The following DNM3 variants were observed in gnomAD, a reference collection of about 807,000 sequenced individuals.
DNM3 encodes the protein dynamin 3.
In DNM3, 47 loss-of-function variants were observed where a neutral mutation model predicts 101.6. That is an observed-to-expected ratio of 0.46 (90% confidence interval 0.37 to 0.59). The LOEUF (loss-of-function observed/expected upper bound fraction) is 0.59. DNM3 is among the 20% of genes least tolerant of loss of function. The probability of loss-of-function intolerance (pLI) is 0.00; values close to 1 mark genes in which losing one functional copy is unlikely to be tolerated. For synonymous variants in DNM3, 385 were observed against 387.9 expected (o/e 0.99, Z 0.09); for missense variants, 849 against 1,085.7 (o/e 0.78, Z 3.06).
rs138533696 is a variant in DNM3, at chr1:172,307,252, A to C, written c.1770-1476A>C. ...GAACAGATACTTCTCAAAAGAAAAC[A>C]TTTATGCAGACACATGAAAAAATGC... On this transcript the variant is annotated intron_variant, in intron 15 of 20. Coordinates refer to ENST00000627582, the MANE Select transcript of DNM3 (RefSeq NM_015569.5). 2.0e-5 allele frequency among the ~76,000 whole-genome samples: 3 copies of C among 152,294 alleles called. No homozygotes were observed. In the East Asian group the frequency reaches 5.8e-4, roughly 29 times the overall value.
chr1:171,922,075 A>G (rs952095553), intron 2 of DNM3, among the ~76,000 whole-genome samples: 13 of 152,028 alleles, frequency 8.6e-5, no homozygotes, highest in Non-Finnish European at 1.5e-4. Flanking sequence ...TAATCCATCT[A>G]TATAATTTTA....
intron 13 of DNM3, among the ~76,000 whole-genome samples, chr1:172,115,830 T>A (rs1022229841): frequency 6.6e-6 from 1 of 152,218 alleles, no homozygotes; most frequent in Admixed American, 6.5e-5. Flanking sequence ...GCATGCATTA[T>A]CTCACTTAGA....
chr1:171,998,797 A>G (rs187544648), intron 4 of DNM3, among the ~76,000 whole-genome samples: 1 of 152,232 alleles, frequency 6.6e-6, no homozygotes, highest in East Asian at 1.9e-4. Context: ...GAACTGATGA[A>G]GTGAGGGAAT....
chr1:172,387,378 C>G lies in DNM3; in HGVS notation c.2285+19C>G. 6.3e-7 allele frequency: 1 copy of G among 1,599,124 alleles called. No homozygotes were observed. Among genetic ancestry groups the G allele is most frequent in the Non-Finnish European group, 8.5e-7 (1 of 1,171,422 alleles). ...CTCGCAGGTAAGAAGATGGCCCCGG[C>G]CGGGTGCGGTGGCTCGCTCCTGTAA... On this transcript the variant is annotated intron_variant, in intron 19 of 20. Transcript: ENST00000627582.
At chr1:172,164,795 A>G (rs1426771251) in intron 14 of DNM3, among the ~76,000 whole-genome samples, 2 of 152,008 alleles carry the variant, frequency 1.3e-5, no homozygotes, top group Non-Finnish European at 2.9e-5. Flanking sequence ...TGGAGGACAG[A>G]GGCAGTGTAT....
At chr1:172,194,532 A>G (rs568030066) in intron 14 of DNM3, among the ~76,000 whole-genome samples, 12 of 152,048 alleles carry the variant, frequency 7.9e-5, no homozygotes, top group Non-Finnish European at 1.3e-4. Context: ...TGCTTTATGA[A>G]TCTGGGTGCT....
intron 14 of DNM3, chr1:172,139,150 G>A: frequency 3.3e-6 from 1 of 307,652 alleles, no homozygotes. Context: ...AAAATTTTAA[G>A]GAAAAAAAGA....
chr1:172,223,910 G>A (rs181304519), intron 14 of DNM3, among the ~76,000 whole-genome samples: 21 of 152,232 alleles, frequency 1.4e-4, no homozygotes, highest in Non-Finnish European at 2.9e-4. Flanking sequence ...CATTGGAGTA[G>A]CCAACACTCC....
At chr1:172,085,814 CTTAGT>C (rs2053490871) in intron 12 of DNM3, among the ~76,000 whole-genome samples, 1 of 152,092 alleles carries the variant, frequency 6.6e-6, no homozygotes, top group Admixed American at 6.6e-5. Flanking sequence ...CCTTTACATT[CTTAGT>C]TTATTTTTCC....
intron 14 of DNM3, among the ~76,000 whole-genome samples, chr1:172,211,985 G>A (rs17362060): frequency 0.079 from 11,948 of 152,096 alleles, 561 homozygotes; most frequent in East Asian, 0.13. Context: ...AGATCAAATT[G>A]TTCAAGCTCT....
Position 172,408,102 on chromosome 1 carries a change from G to A in DNM3, c.*261G>A. 8.1e-7 allele frequency: 1 copy of A among 1,241,286 alleles called. No individual in the cohort carries two copies. The highest frequency in any genetic ancestry group is 1.0e-6 in the Non-Finnish European group (1 of 986,790). The allele number at this position is 1,241,286 out of a possible 1,614,324, so 76.9% of individuals were successfully genotyped here. A position where few individuals can be genotyped will look rare whatever the true frequency, so the allele number is the denominator to read the frequency against. On this transcript the variant is annotated 3_prime_UTR_variant, in exon 21 of 21. Coordinates refer to ENST00000627582, the MANE Select transcript of DNM3 (RefSeq NM_015569.5). ...GTTTGTATAGCAGCCCTATACTTTG[G>A]GGATCATTTGCCTACCATGGCATAT...
At position 172,412,374 on chromosome 1, in the gene DNM3, TTG is replaced by T. The variant is rs1395443506; in HGVS notation, c.*4537_*4538del. ...AGTAATTCCACCAGTACTACTTGAT[TTG>T]TGTTATATTTCCTATGTACATGTAC... is the stretch of plus-strand genomic sequence containing the variant. On this transcript the variant is annotated 3_prime_UTR_variant, in exon 21 of 21. Transcript: ENST00000627582. 17 of 985,708 alleles carry T rather than the reference TTG, an allele frequency of 1.7e-5. No homozygotes were observed. Among genetic ancestry groups the T allele is most frequent in the Non-Finnish European group, 1.8e-5 (15 of 829,926 alleles). The allele number at this position is 985,708 out of a possible 1,614,324, so 61.1% of individuals were successfully genotyped here. A position where few individuals can be genotyped will look rare whatever the true frequency, so the allele number is the denominator to read the frequency against.
intron 1 of DNM3, among the ~76,000 whole-genome samples, chr1:171,911,480 G>A (rs79034406): frequency 0.13 from 20,336 of 151,822 alleles, 1,805 homozygotes; most frequent in East Asian, 0.48. Context: ...ACGGGGTTTC[G>A]CCATTTTGGC....
chr1:172,051,047 A>G (rs942546998), intron 10 of DNM3, among the ~76,000 whole-genome samples: 6 of 152,028 alleles, frequency 3.9e-5, no homozygotes, highest in African/African-American at 1.2e-4. Context: ...CATTTTTACT[A>G]TCTTCTCAAA....
intron 2 of DNM3, among the ~76,000 whole-genome samples, chr1:171,946,252 A>C (rs2042168139): frequency 6.6e-6 from 1 of 152,210 alleles, no homozygotes; most frequent in South Asian, 2.1e-4. Context: ...AAGACAGATT[A>C]GCAAGAAAAA....
intron 14 of DNM3, among the ~76,000 whole-genome samples, chr1:172,188,159 A>T (rs2059586811): frequency 6.6e-6 from 1 of 152,106 alleles, no homozygotes; most frequent in Non-Finnish European, 1.5e-5. Context: ...GTGTATTTAT[A>T]CACTTTGAAA....
chr1:172,319,082 C>A (rs1470482879), intron 16 of DNM3, among the ~76,000 whole-genome samples: 1 of 151,918 alleles, frequency 6.6e-6, no homozygotes, highest in Non-Finnish European at 1.5e-5. Context: ...GAAATAACGC[C>A]GCATATCTAC....
chr1:172,413,327 C>T (rs1573801144), downstream of DNM3, among the ~76,000 whole-genome samples: 1 of 152,070 alleles, frequency 6.6e-6, no homozygotes, highest in South Asian at 2.1e-4. Context: ...CCCGGGTTCA[C>T]GCCATTCTCC....
intron 14 of DNM3, among the ~76,000 whole-genome samples, chr1:172,240,982 C>CACAA (rs60743781): frequency 0.21 from 31,723 of 151,826 alleles, 3,278 homozygotes; most frequent in East Asian, 0.24. Context: ...AAGTATAAAA[C>CACAA]ACTAAGTATC....
Sources: allele counts gnomAD v4.1 joint callset (sites outside exome capture counted in the v4.1 genomes callset), GRCh38; gene constraint gnomAD v4.1.1; transcripts MANE v1.5; gene names NCBI Gene and HGNC (gene_info 2026-07-23, HGNC 2026-07-21).